Variants in MAP2 observed in about 807,000 individuals in gnomAD.
MAP2 encodes microtubule-associated protein 2.
A neutral mutation model predicts 137.6 loss-of-function variants in MAP2; 14 were observed. The ratio of observed to expected loss-of-function variants is 0.10; its 90% CI spans 0.07 to 0.16. The LOEUF is 0.16. Ranked by LOEUF, MAP2 falls within the 10% of genes least tolerant of loss-of-function variation. The pLI, the probability that MAP2 is intolerant of heterozygous loss-of-function variation, is 1.00. For missense variants in MAP2, 2,088 were observed against 2,191.5 expected (o/e 0.95, Z 0.94); for synonymous variants, 786 against 782.3 (o/e 1.00, Z -0.08).
intron 5 of MAP2, among the ~76,000 whole-genome samples, chr2:209,676,756 TATATATATATA>T (rs2051872074): frequency 7.4e-6 from 1 of 134,298 alleles, no homozygotes; most frequent in Non-Finnish European, 1.6e-5. Flanking sequence ...TATATATATA[TATATATATATA>T]TATATCTCCC....
In MAP2 at chr2:209,643,526, C is replaced by T. The variant is rs575777686; in HGVS notation, c.-29-9616C>T. On this transcript the variant is annotated intron_variant, in intron 4 of 15. Transcript: ENST00000682079. ...CTGCTTATTACCCCACATCCACCTCCAAAATGATCTAATGGTAAAGAAAAT... is the reference window on the plus strand; with the variant it reads ...CTGCTTATTACCCCACATCCACCTCTAAAATGATCTAATGGTAAAGAAAAT... 3.3e-4 allele frequency among the ~76,000 whole-genome samples: 50 copies of T among 152,234 alleles called. No homozygotes were observed. In the South Asian group the frequency reaches 0.01, roughly 32 times the overall value.
chr2:209,584,045 T>A (rs2077126523), intron 3 of MAP2, among the ~76,000 whole-genome samples: 1 of 152,122 alleles, frequency 6.6e-6, no homozygotes, highest in East Asian at 1.9e-4. Flanking sequence ...TGTTCCTGCA[T>A]TAATTTGCTT....
At chr2:209,536,033 A>C (rs1265033037) in intron 2 of MAP2, among the ~76,000 whole-genome samples, 3 of 152,218 alleles carry the variant, frequency 2.0e-5, no homozygotes, top group Non-Finnish European at 4.4e-5. Flanking sequence ...CTTTCTTAGA[A>C]TGAGACAGAT....
At chr2:209,486,208 T>A (rs2058354977) in intron 1 of MAP2, among the ~76,000 whole-genome samples, 1 of 151,316 alleles carries the variant, frequency 6.6e-6, no homozygotes, top group African/African-American at 2.4e-5. Flanking sequence ...ACTAACTTGC[T>A]TGTATATTCT....
At chr2:209,488,173 C>T (rs973306413) in intron 1 of MAP2, among the ~76,000 whole-genome samples, 1 of 152,126 alleles carries the variant, frequency 6.6e-6, no homozygotes, top group Non-Finnish European at 1.5e-5. Flanking sequence ...ACCCAGGAAG[C>T]ACGAGGGGTC....
At chr2:209,600,438 G>A (rs2082646874) in intron 3 of MAP2, among the ~76,000 whole-genome samples, 1 of 151,700 alleles carries the variant, frequency 6.6e-6, no homozygotes, top group African/African-American at 2.4e-5. Flanking sequence ...AGACCCACCA[G>A]CTGCTGTCAG....
intron 2 of MAP2, among the ~76,000 whole-genome samples, chr2:209,539,833 C>G (rs113065099): frequency 0.027 from 4,084 of 150,550 alleles, 189 homozygotes; most frequent in African/African-American, 0.095. Flanking sequence ...TGCAGTGGCT[C>G]GTGCCTATAA....
chr2:209,731,601 C>T lies in MAP2; in HGVS notation c.*1204C>T, dbSNP rs927550822. The T allele has an allele frequency of 6.6e-6, 1 of 152,452 alleles. No individual in the cohort carries two copies. Among genetic ancestry groups the T allele is most frequent in the Non-Finnish European group, 1.5e-5 (1 of 68,008 alleles). 9.4% of individuals were successfully genotyped at this position (152,452 alleles called of 1,614,324 possible). On this transcript the variant is annotated 3_prime_UTR_variant, in exon 16 of 16. Transcript: ENST00000682079. ...TTTATTCCTATTATTATTCATGAAA[C>T]CGACTTAAGATTTTTTCTTTATTTT...
At chr2:209,454,040 A>T (rs548298279) in intron 1 of MAP2, among the ~76,000 whole-genome samples, 41 of 150,460 alleles carry the variant, frequency 2.7e-4, no homozygotes, top group African/African-American at 9.3e-4. Context: ...AGTCCCAGCT[A>T]CTCCGGAGGC....
chr2:209,697,192 T>A, intron 10 of MAP2, 141 bp downstream of exon 10: 1 of 760,536 alleles, frequency 1.3e-6, no homozygotes, highest in Admixed American at 3.0e-5. Context: ...TTAAGTGTCT[T>A]GTATCATTAT....
chr2:209,652,318 G>A (rs1170859478), intron 4 of MAP2, among the ~76,000 whole-genome samples: 1 of 152,114 alleles, frequency 6.6e-6, no homozygotes, highest in African/African-American at 2.4e-5. Context: ...TGATTTAGCT[G>A]AGAAATAATG....
At chr2:209,626,461 A>G (rs1391403251) in intron 4 of MAP2, among the ~76,000 whole-genome samples, 3 of 152,174 alleles carry the variant, frequency 2.0e-5, no homozygotes, top group African/African-American at 7.2e-5. Flanking sequence ...CACCACACAG[A>G]TTAAACAAAT....
intron 3 of MAP2, among the ~76,000 whole-genome samples, chr2:209,583,028 A>T (rs1021593842): frequency 6.6e-6 from 1 of 152,046 alleles, no homozygotes; most frequent in East Asian, 1.9e-4. Flanking sequence ...TTTGGTACCT[A>T]GTCATTGTCT....
chr2:209,499,943 T>C (rs1020089982), intron 1 of MAP2, among the ~76,000 whole-genome samples: 1 of 152,094 alleles, frequency 6.6e-6, no homozygotes, highest in Non-Finnish European at 1.5e-5. Flanking sequence ...GGGAATAAAA[T>C]TCAACATGAG....
chr2:209,643,878 A>G lies in MAP2; in HGVS notation c.-29-9264A>G, dbSNP rs143247480. 9.8e-3 allele frequency among the ~76,000 whole-genome samples: 1,494 copies of G among 152,326 alleles called. 12 individuals are homozygous for G. Among genetic ancestry groups the G allele is most frequent in the Middle Eastern group, 0.02 (6 of 294 alleles). On this transcript the variant is annotated intron_variant, in intron 4 of 15. Transcript: ENST00000682079. ...AAAGGAAGTGAAAGACCCAACTTCT[A>G]TTTGTGAGAATAGTCATGTGACCTA...
At chr2:209,528,104 CCT>C (rs998336689) in intron 2 of MAP2, among the ~76,000 whole-genome samples, 8 of 143,448 alleles carry the variant, frequency 5.6e-5, no homozygotes, top group African/African-American at 2.1e-4. Flanking sequence ...ATCTTCCCCC[CCT>C]GCCCACCCCA....
chr2:209,507,484 G>A (rs537361205), intron 1 of MAP2, 108 bp from the exon 2 acceptor site: 2 of 152,004 alleles, frequency 1.3e-5, no homozygotes, highest in Non-Finnish European at 2.9e-5. Context: ...TGCATTTTAT[G>A]GAGTGAGGAA....
Position 209,732,781 on chromosome 2 carries a change from G to C in MAP2, c.*2384G>C, listed in dbSNP as rs988116216. The C allele has an allele frequency of 2.6e-5, 4 of 152,388 alleles. No homozygotes were observed. Among genetic ancestry groups the C allele is most frequent in the Admixed American group, 6.6e-5 (1 of 15,260 alleles). The allele number at this position is 152,388 out of a possible 1,614,324, so 9.4% of individuals were successfully genotyped here. A position where few individuals can be genotyped will look rare whatever the true frequency, so the allele number is the denominator to read the frequency against. ...CATGTCAAAAATAAAGATTATACAAGGCACCAAACTACTAGATTTGGCATT... is the reference window on the plus strand; with the variant it reads ...CATGTCAAAAATAAAGATTATACAACGCACCAAACTACTAGATTTGGCATT... On this transcript the variant is annotated 3_prime_UTR_variant, in exon 16 of 16. Transcript: ENST00000682079.
At chr2:209,495,869 T>C (rs766961874) in intron 1 of MAP2, among the ~76,000 whole-genome samples, 12 of 152,222 alleles carry the variant, frequency 7.9e-5, no homozygotes, top group Admixed American at 2.6e-4. Context: ...ATTTAGACAT[T>C]TGAAAGTTCT....
Sources: allele counts gnomAD v4.1 joint callset (sites outside exome capture counted in the v4.1 genomes callset), GRCh38; gene constraint gnomAD v4.1.1; transcripts MANE v1.5; gene names NCBI Gene and HGNC (gene_info 2026-07-23, HGNC 2026-07-21).